AXIN1: variants seen among roughly 807,000 people sequenced by gnomAD.
The protein encoded by AXIN1 is axin-1.
In AXIN1, 30 loss-of-function variants were observed where a neutral mutation model predicts 76.4. The observed-to-expected ratio is 0.39, with a 90% CI of 0.29 to 0.53. The LOEUF (loss-of-function observed/expected upper bound fraction) is 0.53, where lower values mean the gene tolerates loss of function less well. Ranked by LOEUF, AXIN1 falls within the 20% of genes least tolerant of loss-of-function variation. The probability of loss-of-function intolerance (pLI) is 0.66; values close to 1 mark genes in which losing one functional copy is unlikely to be tolerated. For missense variants in AXIN1, 1,140 were observed against 1,198.8 expected (o/e 0.95, Z 0.72); for synonymous variants, 545 against 501.4 (o/e 1.09, Z -1.16).
At chr16:351,927 G>A (rs955422072) in intron 1 of AXIN1, among the ~76,000 whole-genome samples, 1 of 152,124 alleles carries the variant, frequency 6.6e-6, no homozygotes, top group Non-Finnish European at 1.5e-5. Context: ...CCACACCCAA[G>A]AGAAAGACCA....
rs2141458597 is a variant in AXIN1 at position 288,102 on chromosome 16, G to A, written c.*20C>T. 2 of 1,613,022 alleles carry A rather than the reference G, an allele frequency of 1.2e-6. No individual in the cohort carries two copies. Among genetic ancestry groups the A allele is most frequent in the Admixed American group, 1.7e-5 (1 of 60,034 alleles). On this transcript the variant is annotated 3_prime_UTR_variant, in exon 11 of 11. Coordinates refer to ENST00000262320, the MANE Select transcript of AXIN1 (RefSeq NM_003502.4). ...CCCGCCAAGGGCCTCGCCTGGCACA[G>A]CGGCCAGCCCACCAGCCTATCAGTC... is the stretch of plus-strand genomic sequence containing the variant.
intron 3 of AXIN1, among the ~76,000 whole-genome samples, chr16:313,125 G>A (rs2141586813): frequency 6.6e-6 from 1 of 152,306 alleles, no homozygotes; most frequent in South Asian, 2.1e-4. Context: ...TGCATAGTGA[G>A]GCCTCGTCTC....
At chr16:316,198 C>T (rs1166140230) in intron 2 of AXIN1, among the ~76,000 whole-genome samples, 1 of 151,928 alleles carries the variant, frequency 6.6e-6, no homozygotes, top group Non-Finnish European at 1.5e-5. Context: ...TTTTTTTAGA[C>T]CTTCACCTGA....
intron 2 of AXIN1, among the ~76,000 whole-genome samples, chr16:340,861 T>C (rs1373632320): frequency 1.3e-5 from 2 of 152,152 alleles, no homozygotes; most frequent in Non-Finnish European, 2.9e-5. Context: ...TCAAATCAAG[T>C]ATGTGAAACC....
intron 1 of AXIN1, 129 bp from the exon 2 acceptor site, chr16:347,235 A>G (rs2054051319): frequency 1.2e-6 from 1 of 842,752 alleles, no homozygotes; most frequent in East Asian, 2.7e-5. Context: ...CTCAGTTTAA[A>G]TGTTCAATCA....
In AXIN1 at chr16:319,289, G is replaced by A. The variant is rs575441597; in HGVS notation, c.879-4606C>T. The stretch of plus-strand genomic sequence containing the variant: ...GGAGTCTGCAGTAAGATATGATCAC[G>A]CCACTGTGTTCCAGCCTGTGCTCCA... On this transcript the variant is annotated intron_variant, in intron 2 of 10. Coordinates refer to ENST00000262320, the MANE Select transcript of AXIN1 (RefSeq NM_003502.4). Among the ~76,000 whole-genome samples the A allele has an allele frequency of 1.0e-3, 157 of 152,202 alleles. 1 individual carries two copies. The South Asian group carries it at 0.029, about 28-fold the overall frequency.
chr16:334,740 C>T (rs565079065), intron 2 of AXIN1, among the ~76,000 whole-genome samples: 1 of 151,832 alleles, frequency 6.6e-6, no homozygotes, highest in Non-Finnish European at 1.5e-5. Flanking sequence ...GCCAATAACA[C>T]AGCACCTAGT....
Position 298,147 on chromosome 16 carries a change from G to A in AXIN1, c.1359C>T (p.Asp453=), listed in dbSNP as rs1341787723. 12 of 1,543,852 alleles carry A rather than the reference G, an allele frequency of 7.8e-6. No homozygotes were observed. The highest frequency in any genetic ancestry group is 9.6e-6 in the Non-Finnish European group (11 of 1,147,798). ...AWHHFPPRCV[D]MGCAGLRDAH... ...CATCCCGGAGCCCGGCACAGCCCAT[G>A]TCCACACAGCGGGGCGGGAAGTGGT... Residue 453 remains aspartate, a synonymous_variant, in exon 6 of 11, where the codon GAC becomes GAT. Coordinates refer to ENST00000262320, the MANE Select transcript of AXIN1 (RefSeq NM_003502.4).
intron 8 of AXIN1, chr16:292,386 C>T (rs2052588032): frequency 6.6e-6 from 1 of 152,270 alleles, no homozygotes; most frequent in South Asian, 2.1e-4. Flanking sequence ...TCATTAGGCT[C>T]ACAGCCTGGC....
intron 2 of AXIN1, among the ~76,000 whole-genome samples, chr16:345,945 T>C (rs1465766893): frequency 6.6e-6 from 1 of 152,168 alleles, no homozygotes; most frequent in Non-Finnish European, 1.5e-5. Flanking sequence ...CTGTTCTCAG[T>C]AAAAGTGTTC....
Position 325,503 on chromosome 16 carries a change from C to T in AXIN1, c.879-10820G>A, listed in dbSNP as rs141112463. Among the ~76,000 whole-genome samples, 833 of 152,322 alleles carry T rather than the reference C, an allele frequency of 5.5e-3. 10 individuals are homozygous for T. Among genetic ancestry groups the T allele is most frequent in the African/African-American group, 0.018 (766 of 41,568 alleles). On this transcript the variant is annotated intron_variant, in intron 2 of 10. Coordinates refer to ENST00000262320, the MANE Select transcript of AXIN1 (RefSeq NM_003502.4). Reference sequence around the variant, plus strand: ...GCTTCCCAGCGGGCAGAGTTGACCCCGAGGCCAACAGCCAGGCCACAGCCA... The same window carrying T: ...GCTTCCCAGCGGGCAGAGTTGACCCTGAGGCCAACAGCCAGGCCACAGCCA...
intron 2 of AXIN1, among the ~76,000 whole-genome samples, chr16:341,550 C>G (rs1260034756): frequency 6.6e-6 from 1 of 152,262 alleles, no homozygotes; most frequent in Non-Finnish European, 1.5e-5. Flanking sequence ...CCCCCACCCC[C>G]TCCGTGGGCT....
At chr16:290,032 C>T (rs577895098) in intron 9 of AXIN1, 8 of 267,018 alleles carry the variant, frequency 3.0e-5, no homozygotes, top group Middle Eastern at 1.4e-3. Context: ...GACCCCGCAG[C>T]GAAGTTTGTC....
intron 2 of AXIN1, among the ~76,000 whole-genome samples, chr16:330,668 C>T (rs1042329622): frequency 1.3e-5 from 2 of 152,144 alleles, no homozygotes; most frequent in Non-Finnish European, 2.9e-5. Flanking sequence ...TTTAGGTTCA[C>T]AAGGATCTGA....
intron 2 of AXIN1, among the ~76,000 whole-genome samples, chr16:315,784 C>T (rs974314456): frequency 3.3e-5 from 5 of 149,456 alleles, no homozygotes; most frequent in Admixed American, 1.3e-4. Flanking sequence ...GCTGAGATCA[C>T]GCCACTGCAC....
At chr16:317,793 C>A (rs898018474) in intron 2 of AXIN1, among the ~76,000 whole-genome samples, 1 of 152,238 alleles carries the variant, frequency 6.6e-6, no homozygotes, top group African/African-American at 2.4e-5. Flanking sequence ...AGCTGCTCAG[C>A]AGCTACTGAT....
chr16:308,900 A>G (rs912496297), intron 4 of AXIN1, among the ~76,000 whole-genome samples: 2 of 152,222 alleles, frequency 1.3e-5, no homozygotes, highest in African/African-American at 4.8e-5. Flanking sequence ...ACCATAAAGA[A>G]ATTCCTGACT....
intron 2 of AXIN1, among the ~76,000 whole-genome samples, chr16:315,980 G>A (rs1328277389): frequency 1.3e-5 from 2 of 152,142 alleles, no homozygotes; most frequent in African/African-American, 2.4e-5. Flanking sequence ...TTGAACCCGG[G>A]AGGCAGAGAT....
chr16:345,232 T>C (rs1353552320), intron 2 of AXIN1, among the ~76,000 whole-genome samples: 2 of 152,132 alleles, frequency 1.3e-5, no homozygotes, highest in Non-Finnish European at 2.9e-5. Flanking sequence ...CAGGATCGCC[T>C]CAGGGTCCAG....
Sources: gnomAD v4.1 joint callset for allele counts (sites outside exome capture counted in the v4.1 genomes callset) on GRCh38, gnomAD v4.1.1 for gene constraint, MANE v1.5 for transcripts, NCBI Gene and HGNC (gene_info 2026-07-23, HGNC 2026-07-21) for gene names.